MAPK10: variants seen among roughly 807,000 people sequenced by gnomAD.
MAPK10 encodes mitogen-activated protein kinase 10.
Under a neutral mutation model 59.3 loss-of-function variants are expected in MAPK10, and 25 were observed. That is an observed-to-expected ratio of 0.42 (90% confidence interval 0.31 to 0.59). The LOEUF (loss-of-function observed/expected upper bound fraction) is 0.59, where lower values mean the gene tolerates loss of function less well. Ranked by LOEUF, MAPK10 falls within the 20% of genes least tolerant of loss-of-function variation. The pLI is 0.15. For synonymous variants in MAPK10, 190 were observed against 200.5 expected, an observed-to-expected ratio of 0.95 and a Z score of 0.44; for missense variants, 351 against 568.9, an observed-to-expected ratio of 0.62 and a Z score of 3.90.
intron 9 of MAPK10, among the ~76,000 whole-genome samples, chr4:86,068,731 C>T (rs1579534158): frequency 2.0e-5 from 3 of 152,238 alleles, no homozygotes; most frequent in African/African-American, 7.2e-5. Flanking sequence ...AATATTACCT[C>T]TCTATGAAAA....
intron 1 of MAPK10, among the ~76,000 whole-genome samples, chr4:86,481,663 C>T (rs1202429585): frequency 1.3e-5 from 2 of 152,100 alleles, no homozygotes; most frequent in African/African-American, 4.8e-5. Context: ...TACTTGTTCT[C>T]TAGGCTGAGC....
At chr4:86,484,920 G>A (rs983422499) in intron 1 of MAPK10, among the ~76,000 whole-genome samples, 4 of 152,130 alleles carry the variant, frequency 2.6e-5, no homozygotes, top group Admixed American at 6.5e-5. Flanking sequence ...GAAAGCAGGG[G>A]GAGTGTATTT....
At chr4:86,060,198 T>A (rs149885644) in intron 11 of MAPK10, among the ~76,000 whole-genome samples, 43 of 152,344 alleles carry the variant, frequency 2.8e-4, no homozygotes, top group African/African-American at 9.9e-4. Flanking sequence ...AAGTGTTCTC[T>A]GACTCCATAT....
At chr4:86,127,130 A>C (rs1405944601) in intron 4 of MAPK10, among the ~76,000 whole-genome samples, 1 of 151,868 alleles carries the variant, frequency 6.6e-6, no homozygotes, top group East Asian at 1.9e-4. Context: ...TTATGTCCTA[A>C]GTAACACAAC....
chr4:86,469,952 A>G (rs183264427), intron 1 of MAPK10, among the ~76,000 whole-genome samples: 220 of 152,340 alleles, frequency 1.4e-3, no homozygotes, highest in African/African-American at 4.9e-3. Context: ...AAAACTCTGG[A>G]TATATCAATC....
chr4:86,426,111 CTAAT>C (rs1373925674), intron 1 of MAPK10, among the ~76,000 whole-genome samples: 1 of 152,144 alleles, frequency 6.6e-6, no homozygotes. Context: ...TCTGAAGAAA[CTAAT>C]TAATTATGGA....
chr4:86,178,675 C>G (rs2076223520), intron 3 of MAPK10, among the ~76,000 whole-genome samples: 1 of 152,062 alleles, frequency 6.6e-6, no homozygotes, highest in African/African-American at 2.4e-5. Flanking sequence ...ACTGGAAGAA[C>G]TGGTCAAAGC....
At chr4:86,051,335 T>C (rs2043486428) in intron 11 of MAPK10, among the ~76,000 whole-genome samples, 2 of 151,798 alleles carry the variant, frequency 1.3e-5, no homozygotes, top group African/African-American at 4.8e-5. Flanking sequence ...TCCTCACATA[T>C]AACGAATGCC....
At chr4:86,530,419 C>T (rs750590951) in intron 1 of MAPK10, among the ~76,000 whole-genome samples, 15 of 152,112 alleles carry the variant, frequency 9.9e-5, no homozygotes, top group Admixed American at 6.5e-4. Context: ...AAAGCAATTA[C>T]CCATGTCACC....
chr4:86,102,440 G>T (rs1561712531), intron 6 of MAPK10: 1 of 161,340 alleles, frequency 6.2e-6, no homozygotes, highest in Non-Finnish European at 1.3e-5. Flanking sequence ...GTCACTACTG[G>T]GTAGACTTTG....
chr4:86,467,262 GA>G (rs1752285306), intron 1 of MAPK10, among the ~76,000 whole-genome samples: 1 of 152,146 alleles, frequency 6.6e-6, no homozygotes, highest in Non-Finnish European at 1.5e-5. Flanking sequence ...TAATCAAATT[GA>G]ATTCTTAAAT....
At chr4:86,365,323 C>A (rs1737658153) in intron 1 of MAPK10, among the ~76,000 whole-genome samples, 1 of 150,072 alleles carries the variant, frequency 6.7e-6, no homozygotes, top group African/African-American at 2.4e-5. Context: ...TCCCAGCTAC[C>A]TGGGAGGCTG....
intron 1 of MAPK10, among the ~76,000 whole-genome samples, chr4:86,372,560 G>GAA (rs1554253720): frequency 3.3e-4 from 4 of 12,218 alleles, no homozygotes; most frequent in Non-Finnish European, 7.3e-4. Flanking sequence ...AAGAAAGAAA[G>GAA]AAAGAAAGAA....
chr4:86,417,021 G>A (rs1745941199), intron 1 of MAPK10, among the ~76,000 whole-genome samples: 1 of 152,180 alleles, frequency 6.6e-6, no homozygotes, highest in Admixed American at 6.5e-5. Context: ...GAGAACACCT[G>A]CATTATCTGC....
intron 3 of MAPK10, among the ~76,000 whole-genome samples, chr4:86,168,989 C>T (rs904358392): frequency 6.6e-6 from 1 of 152,114 alleles, no homozygotes; most frequent in Admixed American, 6.5e-5. Context: ...TCCAACAGAC[C>T]TGCAGCTGAG....
At chr4:86,386,385 C>A (rs1438890603) in intron 1 of MAPK10, among the ~76,000 whole-genome samples, 1 of 152,134 alleles carries the variant, frequency 6.6e-6, no homozygotes, top group African/African-American at 2.4e-5. Flanking sequence ...GAAGTATCTC[C>A]CTTCACCTCT....
intron 1 of MAPK10, among the ~76,000 whole-genome samples, chr4:86,479,522 A>G (rs1223331227): frequency 2.0e-5 from 3 of 150,304 alleles, no homozygotes; most frequent in African/African-American, 7.4e-5. Flanking sequence ...GTCTAGTCAT[A>G]CTCCTATTCA....
chr4:86,237,123 T>C (rs1449294997), intron 2 of MAPK10, among the ~76,000 whole-genome samples: 1 of 152,158 alleles, frequency 6.6e-6, no homozygotes, highest in Non-Finnish European at 1.5e-5. Context: ...AGGTTTTCTG[T>C]TCCTGTGTTA....
At chr4:86,507,655 T>TATATATATATATATATATATAC in intron 1 of MAPK10, among the ~76,000 whole-genome samples, 1 of 71,268 alleles carries the variant, frequency 1.4e-5, no homozygotes, top group Non-Finnish European at 2.9e-5. Flanking sequence ...TATATATATA[T>TATATATATATATATATATATAC]ATATATATAT....
Sources: gnomAD v4.1 joint callset for allele counts (sites outside exome capture counted in the v4.1 genomes callset) on GRCh38, gnomAD v4.1.1 for gene constraint, MANE v1.5 for transcripts, NCBI Gene and HGNC (gene_info 2026-07-23, HGNC 2026-07-21) for gene names.